The following HK1 variants were observed in gnomAD, a reference collection of about 807,000 sequenced individuals.
HK1 encodes hexokinase-1.
Under a neutral mutation model 91.6 loss-of-function variants are expected in HK1, and 28 were observed. The ratio of observed to expected loss-of-function variants is 0.31; its 90% CI spans 0.23 to 0.42. HK1 has a LOEUF of 0.42. Among genes scored for constraint, HK1 ranks in the 10% least tolerant of loss-of-function variants. The pLI, the probability that HK1 is intolerant of heterozygous loss-of-function variation, is 1.00. For missense variants in HK1, 770 were observed against 1,219.8 expected (o/e 0.63, Z 5.49); for synonymous variants, 430 against 468.1 (o/e 0.92, Z 1.05).
At chr10:69,366,282 C>G (rs1245114353) in intron 4 of HK1, among the ~76,000 whole-genome samples, 1 of 152,170 alleles carries the variant, frequency 6.6e-6, no homozygotes, top group Non-Finnish European at 1.5e-5. Flanking sequence ...CAGGAAGATT[C>G]CATGCTCGTA....
intron 5 of HK1, among the ~76,000 whole-genome samples, chr10:69,309,397 G>A (rs1846252763): frequency 6.9e-6 from 1 of 145,812 alleles, no homozygotes; most frequent in South Asian, 2.2e-4. Flanking sequence ...TAGCCAGGAT[G>A]GTCTCGATCT....
chr10:69,308,903 G>A (rs926738779), intron 5 of HK1, among the ~76,000 whole-genome samples: 36 of 152,120 alleles, frequency 2.4e-4, no homozygotes, highest in Admixed American at 1.5e-3. Flanking sequence ...GGTAATGCTC[G>A]CTCACCTGCT....
chr10:69,375,589 G>A (rs1337772946), intron 7 of HK1, among the ~76,000 whole-genome samples: 1 of 152,230 alleles, frequency 6.6e-6, no homozygotes, highest in Non-Finnish European at 1.5e-5. Context: ...TGAGGGCCGG[G>A]TGCTCAGGTC....
intron 14 of HK1, among the ~76,000 whole-genome samples, chr10:69,390,384 CTACTTCAT>C: frequency 7.2e-5 from 1 of 13,838 alleles, no homozygotes; most frequent in Non-Finnish European, 1.3e-4. Flanking sequence ...CATTTCATAG[CTACTTCAT>C]AGCTACTTTT....
chr10:69,308,146 T>A (rs1846188026), intron 5 of HK1, among the ~76,000 whole-genome samples: 1 of 152,110 alleles, frequency 6.6e-6, no homozygotes, highest in Admixed American at 6.6e-5. Flanking sequence ...GCCTAAAATA[T>A]ATTTTCTTTT....
chr10:69,377,868 G>A (rs562937083), intron 8 of HK1, among the ~76,000 whole-genome samples: 28 of 152,152 alleles, frequency 1.8e-4, no homozygotes, highest in Non-Finnish European at 3.4e-4. Context: ...GAGAAACACC[G>A]GTTAACAGAT....
intron 2 of HK1, among the ~76,000 whole-genome samples, chr10:69,285,836 C>A (rs890876889): frequency 6.6e-6 from 1 of 151,978 alleles, no homozygotes; most frequent in African/African-American, 2.4e-5. Context: ...ACTCTCTAGA[C>A]AAAAAGCAAC....
chr10:69,342,822 A>G (rs1848360262), intron 1 of HK1, among the ~76,000 whole-genome samples: 1 of 152,212 alleles, frequency 6.6e-6, no homozygotes. Context: ...CCATCAGGAC[A>G]GGTGTCTAGC....
chr10:69,338,334 GTGTCTGA>G (rs1433128729), intron 1 of HK1: 10 of 1,185,924 alleles, frequency 8.4e-6, no homozygotes, highest in Non-Finnish European at 9.6e-6. Flanking sequence ...ACCCAGCTCG[GTGTCTGA>G]TGTCTGGTGT....
chr10:69,397,720 C>T (rs1309875559), intron 16 of HK1, among the ~76,000 whole-genome samples: 1 of 152,174 alleles, frequency 6.6e-6, no homozygotes, highest in African/African-American at 2.4e-5. Context: ...CTCCAAGAAG[C>T]CTGGCTGGTC....
chr10:69,359,976 C>T lies in HK1; in HGVS notation c.306C>T (p.Asn102=). The change falls in exon 3 of 18, where the codon AAC becomes AAT. Residue 102 remains asparagine (N), a synonymous_variant. Transcript: ENST00000359426. The part of the protein sequence containing the change: ...ILRVQVNHEK[N]QNVHMESEVY... ...GGGTGCAAGTGAATCATGAGAAAAA[C>T]CAGAATGTTCACATGGAGTCCGAGG... is the stretch of plus-strand genomic sequence containing the variant. The T allele has an allele frequency of 6.2e-7, 1 of 1,614,098 alleles. No individual in the cohort carries two copies. The highest frequency in any genetic ancestry group is 8.5e-7 in the Non-Finnish European group (1 of 1,179,928).
At chr10:69,388,305 T>C (rs1200454500) in intron 13 of HK1, among the ~76,000 whole-genome samples, 1 of 151,976 alleles carries the variant, frequency 6.6e-6, no homozygotes, top group African/African-American at 2.4e-5. Flanking sequence ...AAATTAGCCG[T>C]CATAGTGGTG....
chr10:69,311,208 G>C (rs967845413), upstream of HK1, among the ~76,000 whole-genome samples: 17 of 152,166 alleles, frequency 1.1e-4, no homozygotes, highest in African/African-American at 4.1e-4. Context: ...TGTTAATGCT[G>C]GTCGGATGGG....
chr10:69,272,040 T>C (rs1331012688), intron 1 of HK1, among the ~76,000 whole-genome samples: 1 of 152,098 alleles, frequency 6.6e-6, no homozygotes, highest in Non-Finnish European at 1.5e-5. Context: ...ATTTTTGTAT[T>C]TTTGGTAGAG....
chr10:69,352,816 CTG>C (rs1848944756), intron 2 of HK1, among the ~76,000 whole-genome samples: 1 of 151,998 alleles, frequency 6.6e-6, no homozygotes, highest in South Asian at 2.1e-4. Context: ...TTGCACAACT[CTG>C]TAAATATGCT....
intron 3 of HK1, among the ~76,000 whole-genome samples, chr10:69,293,725 A>G (rs1214637833): frequency 6.6e-6 from 1 of 152,100 alleles, no homozygotes; most frequent in Non-Finnish European, 1.5e-5. Context: ...GGCTGTAGGC[A>G]AGGGTGGTAA....
At chr10:69,320,855 G>A (rs760784419) in intron 1 of HK1, among the ~76,000 whole-genome samples, 4 of 152,168 alleles carry the variant, frequency 2.6e-5, no homozygotes, top group Non-Finnish European at 2.9e-5. Context: ...TGTCTAGGGT[G>A]GGCCCAGAGC....
At chr10:69,336,620 A>G (rs1444975284) in intron 1 of HK1, among the ~76,000 whole-genome samples, 1 of 145,398 alleles carries the variant, frequency 6.9e-6, no homozygotes, top group Non-Finnish European at 1.5e-5. Flanking sequence ...ATGGGTCAAT[A>G]GCATTTTGGT....
chr10:69,327,760 TGA>T (rs1483375923), intron 1 of HK1, among the ~76,000 whole-genome samples: 1 of 152,240 alleles, frequency 6.6e-6, no homozygotes, highest in African/African-American at 2.4e-5. Context: ...TTGTAATAGA[TGA>T]GTTTTAGTCT....
Sources: gnomAD v4.1 joint callset for allele counts (sites outside exome capture counted in the v4.1 genomes callset) on GRCh38, gnomAD v4.1.1 for gene constraint, MANE v1.5 for transcripts, NCBI Gene and HGNC (gene_info 2026-07-23, HGNC 2026-07-21) for gene names.